Variants in RGS6 observed in about 807,000 individuals in gnomAD.
RGS6 encodes the protein regulator of G-protein signaling 6.
Under a neutral mutation model 78.5 loss-of-function variants are expected in RGS6, and 30 were observed. That is an observed-to-expected ratio of 0.38 (90% CI 0.29 to 0.52). RGS6 has a LOEUF of 0.52. Among genes scored for constraint, RGS6 ranks in the 20% least tolerant of loss-of-function variants. The probability of loss-of-function intolerance (pLI) is 0.85; values close to 1 mark genes in which losing one functional copy is unlikely to be tolerated. For synonymous variants in RGS6, 206 were observed against 206.0 expected, an observed-to-expected ratio of 1.00 and a Z score of 0.00; for missense variants, 495 against 609.7, an observed-to-expected ratio of 0.81 and a Z score of 1.98.
chr14:72,071,074 T>C, intron 2 of RGS6, among the ~76,000 whole-genome samples: 1 of 147,628 alleles, frequency 6.8e-6, no homozygotes, highest in Non-Finnish European at 1.5e-5. Context: ...CGCCTTTGAT[T>C]TTTTTTTAGT....
intron 2 of RGS6, among the ~76,000 whole-genome samples, chr14:72,056,231 TC>T (rs2093613292): frequency 6.6e-6 from 1 of 152,222 alleles, no homozygotes; most frequent in South Asian, 2.1e-4. Flanking sequence ...CTGCGCCGTG[TC>T]ACAGAGCTCC....
chr14:72,607,987 T>C, the RGS6 span, among the ~76,000 whole-genome samples: 30 of 152,340 alleles, frequency 2.0e-4, no homozygotes, highest in East Asian at 5.6e-3. Context: ...GAATAAAAAG[T>C]GACATGGTGT....
the RGS6 span, among the ~76,000 whole-genome samples, chr14:72,573,350 A>G: frequency 1.3e-5 from 2 of 152,196 alleles, no homozygotes; most frequent in African/African-American, 4.8e-5. Flanking sequence ...TGGGTTCACC[A>G]CTAGTAGTGT....
chr14:72,503,980 C>T (rs1391085071), intron 13 of RGS6, among the ~76,000 whole-genome samples: 2 of 152,194 alleles, frequency 1.3e-5, no homozygotes, highest in African/African-American at 2.4e-5. Flanking sequence ...CTGTGGGGAC[C>T]CCATCCCAAG....
At chr14:72,138,847 C>G (rs1040357256) in intron 2 of RGS6, among the ~76,000 whole-genome samples, 5 of 152,096 alleles carry the variant, frequency 3.3e-5, no homozygotes, top group Admixed American at 6.5e-5. Context: ...ATGGGACTGT[C>G]TACAGATGGG....
chr14:72,187,234 T>G (rs2097259957), intron 2 of RGS6, among the ~76,000 whole-genome samples: 1 of 152,230 alleles, frequency 6.6e-6, no homozygotes, highest in Admixed American at 6.5e-5. Flanking sequence ...TATAGGATAT[T>G]GCTGAATATG....
intron 3 of RGS6, among the ~76,000 whole-genome samples, chr14:72,377,630 C>T (rs2085084979): frequency 6.6e-6 from 1 of 152,158 alleles, no homozygotes; most frequent in Non-Finnish European, 1.5e-5. Flanking sequence ...GAACATTCTC[C>T]AGGCTTGACC....
At chr14:72,117,867 AC>A (rs2095941492) in intron 2 of RGS6, among the ~76,000 whole-genome samples, 1 of 152,044 alleles carries the variant, frequency 6.6e-6, no homozygotes, top group Non-Finnish European at 1.5e-5. Context: ...CATGATACCC[AC>A]CTGCAGCTGG....
At chr14:72,445,874 C>T (rs545633781) in intron 3 of RGS6, among the ~76,000 whole-genome samples, 2 of 152,184 alleles carry the variant, frequency 1.3e-5, no homozygotes, top group Non-Finnish European at 2.9e-5. Flanking sequence ...AAAATGTGAC[C>T]TTATTTGGAA....
chr14:71,932,225 T>A (rs149758213), upstream of RGS6, among the ~76,000 whole-genome samples: 2,843 of 152,108 alleles, frequency 0.019, 88 homozygotes, highest in African/African-American at 0.063. Flanking sequence ...TCCGCGGCTC[T>A]GGGAACAGGT....
intron 2 of RGS6, among the ~76,000 whole-genome samples, chr14:72,307,378 T>TA (rs985839111): frequency 1.3e-5 from 2 of 152,018 alleles, no homozygotes; most frequent in African/African-American, 4.8e-5. Context: ...ATAGTTGCAT[T>TA]AAAAAAAATT....
intron 15 of RGS6, among the ~76,000 whole-genome samples, chr14:72,533,317 A>G (rs1027299864): frequency 6.6e-6 from 1 of 152,202 alleles, no homozygotes; most frequent in African/African-American, 2.4e-5. Context: ...ACTGTTGAGG[A>G]AAAAAATAAT....
At chr14:71,930,977 C>CAAA (rs58649273), upstream of RGS6, among the ~76,000 whole-genome samples, 5 of 16,648 alleles carry the variant, frequency 3.0e-4, 2 homozygotes, top group East Asian at 4.2e-3. Flanking sequence ...AACTACGTCT[C>CAAA]AAAAAAAAAA....
At position 71,932,443 on chromosome 14, in the gene RGS6, G is replaced by A. The variant is rs1034566888; in HGVS notation, c.-519G>A. On this transcript the variant is annotated 5_prime_UTR_variant, in exon 1 of 18. Coordinates refer to ENST00000553525, the MANE Select transcript of RGS6 (RefSeq NM_001204424.2). Reference sequence around the variant, plus strand: ...GCCGCGGAGCTGAACGGCTTCGCGAGTTGGGGCAGCTCCTCGCGCTCGGCC... The same window carrying A: ...GCCGCGGAGCTGAACGGCTTCGCGAATTGGGGCAGCTCCTCGCGCTCGGCC... 6.6e-6 allele frequency: 1 copy of A among 151,628 alleles called. No homozygotes were observed. The highest frequency in any genetic ancestry group is 1.5e-5 in the Non-Finnish European group (1 of 67,844). 9.4% of individuals were successfully genotyped at this position (151,628 alleles called of 1,614,324 possible).
chr14:72,269,527 T>C (rs2059597823), intron 2 of RGS6, among the ~76,000 whole-genome samples: 1 of 151,916 alleles, frequency 6.6e-6, no homozygotes, highest in Non-Finnish European at 1.5e-5. Flanking sequence ...ACCTCCTTCA[T>C]GTCTTTACTG....
At chr14:72,265,307 G>A (rs1296433831) in intron 2 of RGS6, among the ~76,000 whole-genome samples, 2 of 152,102 alleles carry the variant, frequency 1.3e-5, no homozygotes, top group South Asian at 2.1e-4. Context: ...TGGCCAATGC[G>A]GCATTTTGGG....
rs370825635 is a variant in RGS6 at position 72,443,020 on chromosome 14, G to A, written c.185-11508G>A. Reference sequence around the variant, plus strand: ...CCCAAGGTAGGGCAATTCCTGAACCGTCCAGGGCTGGAAAACCTGTAGCAA... The same window carrying A: ...CCCAAGGTAGGGCAATTCCTGAACCATCCAGGGCTGGAAAACCTGTAGCAA... On this transcript the variant is annotated intron_variant, in intron 3 of 17. Coordinates refer to ENST00000553525, the MANE Select transcript of RGS6 (RefSeq NM_001204424.2). 1.6e-4 allele frequency among the ~76,000 whole-genome samples: 24 copies of A among 152,288 alleles called. No homozygotes were observed. In the East Asian group the frequency reaches 3.9e-3, roughly 24 times the overall value.
the RGS6 span, among the ~76,000 whole-genome samples, chr14:71,883,190 A>G: frequency 1.3e-5 from 2 of 152,308 alleles, no homozygotes; most frequent in South Asian, 2.1e-4. Context: ...TCTAAATGCT[A>G]TCTTCATCTA....
intron 2 of RGS6, among the ~76,000 whole-genome samples, chr14:71,988,576 C>T (rs1408244721): frequency 1.3e-5 from 2 of 151,596 alleles, no homozygotes; most frequent in East Asian, 3.9e-4. Flanking sequence ...TTTTGAGCTA[C>T]CACGGAGGAG....
Sources: allele counts gnomAD v4.1 joint callset (sites outside exome capture counted in the v4.1 genomes callset), GRCh38; gene constraint gnomAD v4.1.1; transcripts MANE v1.5; gene names NCBI Gene and HGNC (gene_info 2026-07-23, HGNC 2026-07-21).